The following GRIK2 variants were observed in gnomAD, a reference collection of about 807,000 sequenced individuals.
GRIK2 encodes the protein glutamate ionotropic receptor kainate type subunit 2.
GRIK2 carries 32 observed loss-of-function variants against 100.3 expected under a neutral mutation model. That is an observed-to-expected ratio of 0.32 (90% CI 0.24 to 0.43). The LOEUF (loss-of-function observed/expected upper bound fraction) is 0.43. Ranked by LOEUF, GRIK2 falls within the 20% of genes least tolerant of loss-of-function variation. The pLI, the probability that GRIK2 is intolerant of heterozygous loss-of-function variation, is 1.00. For synonymous variants in GRIK2, 417 were observed against 389.4 expected (o/e 1.07, Z -0.83); for missense variants, 843 against 1,114.9 (o/e 0.76, Z 3.47).
Position 101,592,319 on chromosome 6 carries a change from T to C in GRIK2, c.116-29630T>C, listed in dbSNP as rs1393125040. ...ATAGGGAAATGGAAAAAAAGCAGGA[T>C]TGGGCAAATGGAATGCTCCGAAGCT... is the stretch of plus-strand genomic sequence containing the variant. On this transcript the variant is annotated intron_variant, in intron 2 of 16. Coordinates refer to ENST00000369134, the MANE Select transcript of GRIK2 (RefSeq NM_021956.5). Among the ~76,000 whole-genome samples the C allele has an allele frequency of 3.3e-5, 5 of 151,758 alleles. No individual in the cohort carries two copies. The East Asian group carries it at 7.9e-4, about 24-fold the overall frequency.
chr6:102,019,524 G>A (rs1226242689), intron 14 of GRIK2, among the ~76,000 whole-genome samples: 1 of 151,994 alleles, frequency 6.6e-6, no homozygotes, highest in South Asian at 2.1e-4. Context: ...TTTCCAGAAA[G>A]GAATGAAAGG....
intron 2 of GRIK2, among the ~76,000 whole-genome samples, chr6:101,612,716 A>ATGTGTGTGTGTG (rs139709674): frequency 2.1e-5 from 3 of 143,326 alleles, no homozygotes; most frequent in African/African-American, 5.1e-5. Flanking sequence ...GTATGTGTTA[A>ATGTGTGTGTGTG]TGTGTGTGTG....
At chr6:101,655,116 A>G (rs1374298659) in intron 4 of GRIK2, among the ~76,000 whole-genome samples, 1 of 152,278 alleles carries the variant, frequency 6.6e-6, no homozygotes, top group East Asian at 1.9e-4. Context: ...TCTGATTTTA[A>G]GGTACTCATT....
At chr6:101,569,351 G>T (rs961327625) in intron 2 of GRIK2, among the ~76,000 whole-genome samples, 5 of 151,608 alleles carry the variant, frequency 3.3e-5, no homozygotes, top group Non-Finnish European at 4.4e-5. Context: ...TATAAATAAA[G>T]CTTTTAAAAG....
chr6:101,518,704 A>T (rs904569156), intron 2 of GRIK2, among the ~76,000 whole-genome samples: 1 of 152,132 alleles, frequency 6.6e-6, no homozygotes, highest in South Asian at 2.1e-4. Flanking sequence ...TTTACAGCAT[A>T]CTCTAGCATA....
At chr6:101,882,417 A>G (rs1445282036) in intron 11 of GRIK2, among the ~76,000 whole-genome samples, 2 of 152,294 alleles carry the variant, frequency 1.3e-5, no homozygotes, top group Non-Finnish European at 2.9e-5. Flanking sequence ...ACCCATAGTT[A>G]TTCTGAAGAC....
At chr6:101,591,204 T>A (rs1012934396) in intron 2 of GRIK2, among the ~76,000 whole-genome samples, 32 of 151,808 alleles carry the variant, frequency 2.1e-4, no homozygotes, top group Non-Finnish European at 3.5e-4. Context: ...ATTTTTTTTT[T>A]AATTTTTCCG....
intron 2 of GRIK2, among the ~76,000 whole-genome samples, chr6:101,565,622 C>G (rs1777218247): frequency 6.6e-6 from 1 of 151,818 alleles, no homozygotes; most frequent in Admixed American, 6.6e-5. Flanking sequence ...AAAGAAATTT[C>G]ATGTCAATAA....
chr6:101,799,634 C>A lies in GRIK2; in HGVS notation c.952-14C>A, dbSNP rs754498923. On this transcript the variant is annotated splice_polypyrimidine_tract_variant and intron_variant, in intron 7 of 16. Transcript: ENST00000369134. ...TTATATTGACTATAAATTTCCCTTT[C>A]CCTTGCTTTTCAGACTGATGCTGCT... 1 of 1,609,400 alleles carries A rather than the reference C, an allele frequency of 6.2e-7. No individual in the cohort carries two copies. The highest frequency in any genetic ancestry group is 8.5e-7 in the Non-Finnish European group (1 of 1,175,868).
chr6:101,792,572 G>C (rs558744070), intron 7 of GRIK2, among the ~76,000 whole-genome samples: 1 of 152,084 alleles, frequency 6.6e-6, no homozygotes, highest in African/African-American at 2.4e-5. Context: ...TCTGCCGAGA[G>C]ATCCGCTGTT....
At chr6:102,045,758 C>G (rs1478697270) in intron 15 of GRIK2, among the ~76,000 whole-genome samples, 1 of 152,020 alleles carries the variant, frequency 6.6e-6, no homozygotes, top group East Asian at 1.9e-4. Flanking sequence ...GAGCATATGA[C>G]AAGATGCTCC....
chr6:101,734,738 C>T (rs924270583), intron 7 of GRIK2, among the ~76,000 whole-genome samples: 14 of 152,118 alleles, frequency 9.2e-5, no homozygotes, highest in African/African-American at 3.1e-4. Flanking sequence ...AGGAAAATGA[C>T]AACCCATTGG....
intron 14 of GRIK2, among the ~76,000 whole-genome samples, chr6:102,006,428 G>T (rs1795244196): frequency 7.0e-6 from 1 of 143,356 alleles, no homozygotes; most frequent in South Asian, 2.2e-4. Flanking sequence ...GAGTACAGTG[G>T]TGTGATGATA....
At chr6:101,966,173 T>TAA (rs1792660636) in intron 14 of GRIK2, among the ~76,000 whole-genome samples, 1 of 152,066 alleles carries the variant, frequency 6.6e-6, no homozygotes, top group African/African-American at 2.4e-5. Flanking sequence ...ATTCCCAAAT[T>TAA]AAAGTTAATT....
intron 12 of GRIK2, among the ~76,000 whole-genome samples, chr6:101,923,154 A>T (rs1789663934): frequency 6.6e-6 from 1 of 152,172 alleles, no homozygotes; most frequent in African/African-American, 2.4e-5. Context: ...AATCTTCTGA[A>T]TTTTCATATG....
intron 2 of GRIK2, among the ~76,000 whole-genome samples, chr6:101,520,808 A>T (rs1292104547): frequency 1.3e-5 from 2 of 152,130 alleles, no homozygotes; most frequent in Non-Finnish European, 2.9e-5. Flanking sequence ...ACATGACATG[A>T]TTGCAGTGCC....
At chr6:101,848,450 T>A (rs1352982964) in intron 10 of GRIK2, among the ~76,000 whole-genome samples, 1 of 152,162 alleles carries the variant, frequency 6.6e-6, no homozygotes, top group East Asian at 1.9e-4. Context: ...CTAGTCTACA[T>A]ATCTATATTC....
chr6:101,793,642 T>G (rs953506681), intron 7 of GRIK2, among the ~76,000 whole-genome samples: 1 of 152,178 alleles, frequency 6.6e-6, no homozygotes, highest in African/African-American at 2.4e-5. Flanking sequence ...CCAGTTAGGC[T>G]GCTCGGGGGT....
At chr6:101,976,359 C>T (rs907628865) in intron 14 of GRIK2, among the ~76,000 whole-genome samples, 5 of 151,670 alleles carry the variant, frequency 3.3e-5, no homozygotes, top group African/African-American at 1.2e-4. Context: ...AACAGGATAA[C>T]AAAGCTGAGG....
Sources: gnomAD v4.1 joint callset for allele counts (sites outside exome capture counted in the v4.1 genomes callset) on GRCh38, gnomAD v4.1.1 for gene constraint, MANE v1.5 for transcripts, NCBI Gene and HGNC (gene_info 2026-07-23, HGNC 2026-07-21) for gene names.